Variants in DLGAP2 observed in about 807,000 individuals in gnomAD.
The protein encoded by DLGAP2 is disks large-associated protein 2.
Under a neutral mutation model 100.3 loss-of-function variants are expected in DLGAP2, and 26 were observed. The ratio of observed to expected loss-of-function variants is 0.26; its 90% CI spans 0.19 to 0.36. The LOEUF is 0.36. DLGAP2 is among the 10% of genes least tolerant of loss of function. DLGAP2 has a pLI of 1.00. For missense variants in DLGAP2, 1,858 were observed against 1,453.2 expected, an observed-to-expected ratio of 1.28 and a Z score of -4.53; for synonymous variants, 886 against 630.1, an observed-to-expected ratio of 1.41 and a Z score of -6.08.
intron 1 of DLGAP2, among the ~76,000 whole-genome samples, chr8:814,752 C>G (rs1477025303): frequency 1.4e-5 from 2 of 144,898 alleles, no homozygotes; most frequent in African/African-American, 5.1e-5. Context: ...ACTCGGGAGG[C>G]TGAGGCGGGA....
chr8:1,254,046 G>A lies in DLGAP2; in HGVS notation c.74-4805G>A, dbSNP rs562684727. Among the ~76,000 whole-genome samples the A allele has an allele frequency of 5.3e-5, 8 of 152,346 alleles. No homozygotes were observed. In the East Asian group the frequency reaches 1.2e-3, roughly 22 times the overall value. On this transcript the variant is annotated intron_variant, in intron 2 of 14. Coordinates refer to ENST00000637795, the MANE Select transcript of DLGAP2 (RefSeq NM_001346810.2). ...TCTCTGATCCATGTCTGAGTGAGCCGCCTCGTGAGGCTTCCAGTCCCTCCT... is the reference window on the plus strand; with the variant it reads ...TCTCTGATCCATGTCTGAGTGAGCCACCTCGTGAGGCTTCCAGTCCCTCCT...
intron 1 of DLGAP2, among the ~76,000 whole-genome samples, chr8:903,898 A>G (rs962555467): frequency 1.3e-5 from 2 of 152,136 alleles, no homozygotes; most frequent in African/African-American, 4.8e-5. Flanking sequence ...CCCAGCTCAG[A>G]CTCACATTCG....
chr8:1,555,226 GC>G (rs1801921576), intron 5 of DLGAP2, among the ~76,000 whole-genome samples: 1 of 152,222 alleles, frequency 6.6e-6, no homozygotes, highest in Non-Finnish European at 1.5e-5. Flanking sequence ...TCCTTCCGCA[GC>G]CCCTCGAGTT....
chr8:1,548,873 G>T lies in DLGAP2; in HGVS notation c.420G>T (p.Ser140=), dbSNP rs1358785414. The change falls in exon 5 of 15, where the codon TCG becomes TCT. Residue 140 remains serine (S), a synonymous_variant. Coordinates refer to ENST00000637795, the MANE Select transcript of DLGAP2 (RefSeq NM_001346810.2). ...GGRHRCSPRS[S]VHSECVMMPV... ...GCCACCGCTGCTCGCCGCGCAGCTC[G>T]GTGCACTCGGAGTGCGTGATGATGC... 1.3e-5 allele frequency: 21 copies of T among 1,592,570 alleles called. No individual in the cohort carries two copies. Among genetic ancestry groups the T allele is most frequent in the South Asian group, 2.2e-5 (2 of 90,000 alleles).
At chr8:799,440 C>G (rs1796102510) in intron 1 of DLGAP2, among the ~76,000 whole-genome samples, 1 of 152,118 alleles carries the variant, frequency 6.6e-6, no homozygotes, top group Admixed American at 6.5e-5. Context: ...TTGATGTGCG[C>G]TCTGCTGGGA....
At chr8:1,352,354 C>T (rs1801755263) in intron 3 of DLGAP2, among the ~76,000 whole-genome samples, 1 of 152,056 alleles carries the variant, frequency 6.6e-6, no homozygotes, top group South Asian at 2.1e-4. Context: ...CTCCTCCTGT[C>T]CCCAGCGACT....
chr8:1,177,800 G>C (rs1162601524), intron 2 of DLGAP2, among the ~76,000 whole-genome samples: 1 of 152,164 alleles, frequency 6.6e-6, no homozygotes, highest in Non-Finnish European at 1.5e-5. Flanking sequence ...AGGGTACAAG[G>C]GGTGAGGGAG....
At chr8:1,523,937 C>A (rs1800702977) in intron 4 of DLGAP2, among the ~76,000 whole-genome samples, 1 of 152,180 alleles carries the variant, frequency 6.6e-6, no homozygotes, top group Non-Finnish European at 1.5e-5. Context: ...GCTGCTGGAT[C>A]TGTGGGGAAA....
chr8:1,098,569 C>T (rs545494773), intron 2 of DLGAP2, among the ~76,000 whole-genome samples: 1 of 151,378 alleles, frequency 6.6e-6, no homozygotes, highest in South Asian at 2.1e-4. Context: ...GCGATGGCCA[C>T]CCACAGACGC....
rs1799568433 is a variant in DLGAP2 at position 1,701,467 on chromosome 8, G to T, written c.*61G>T. On this transcript the variant is annotated 3_prime_UTR_variant, in exon 15 of 15. Transcript: ENST00000637795. ...CTTTCCCGGACGCTTGTGCAGCGCG[G>T]CGCCGCCCTGGTGGTTTCTGTCTCC... The T allele has an allele frequency of 6.7e-7, 1 of 1,494,452 alleles. No individual in the cohort carries two copies. Among genetic ancestry groups the T allele is most frequent in the South Asian group, 1.2e-5 (1 of 80,868 alleles). 92.6% of individuals were successfully genotyped at this position (1,494,452 alleles called of 1,614,324 possible).
chr8:1,380,782 A>C (rs1049333445), intron 3 of DLGAP2, among the ~76,000 whole-genome samples: 1 of 152,102 alleles, frequency 6.6e-6, no homozygotes, highest in Admixed American at 6.5e-5. Context: ...CTATTTCGAA[A>C]AAAGTGACAT....
At chr8:1,017,760 G>A (rs1460420324) in intron 2 of DLGAP2, among the ~76,000 whole-genome samples, 5 of 151,980 alleles carry the variant, frequency 3.3e-5, no homozygotes, top group South Asian at 2.1e-4. Context: ...GGCCTGCCGT[G>A]GGCGGGTAGA....
intron 1 of DLGAP2, among the ~76,000 whole-genome samples, chr8:809,640 C>T (rs1044565354): frequency 6.6e-6 from 1 of 152,108 alleles, no homozygotes; most frequent in Admixed American, 6.5e-5. Context: ...TCTACCAATA[C>T]GAGTCAACCT....
chr8:1,624,869 G>GTCTCTCTCTCTCTCTGTCTCTCTCTCTT (rs1797451866), intron 6 of DLGAP2, among the ~76,000 whole-genome samples: 1 of 149,668 alleles, frequency 6.7e-6, no homozygotes, highest in African/African-American at 2.5e-5. Context: ...CTCTCTCTCT[G>GTCTCTCTCTCTCTCTGTCTCTCTCTCTT]TCTCTCTCTC....
chr8:1,139,208 G>T (rs527902728), intron 2 of DLGAP2, among the ~76,000 whole-genome samples: 21 of 152,282 alleles, frequency 1.4e-4, no homozygotes, highest in African/African-American at 4.3e-4. Context: ...GCACAGGGCG[G>T]GGGGAGCTCC....
At chr8:1,474,842 G>C (rs1018515457) in intron 3 of DLGAP2, among the ~76,000 whole-genome samples, 5 of 152,220 alleles carry the variant, frequency 3.3e-5, no homozygotes, top group Middle Eastern at 3.2e-3. Flanking sequence ...AAAGAACTGA[G>C]AGTTGAACTA....
intron 3 of DLGAP2, among the ~76,000 whole-genome samples, chr8:1,298,447 G>A (rs1181594008): frequency 6.6e-6 from 1 of 152,138 alleles, no homozygotes; most frequent in African/African-American, 2.4e-5. Context: ...TTCTGTACTG[G>A]GGTATAAATA....
At chr8:1,081,226 G>A (rs971220400) in intron 2 of DLGAP2, among the ~76,000 whole-genome samples, 3 of 152,160 alleles carry the variant, frequency 2.0e-5, no homozygotes, top group African/African-American at 7.2e-5. Context: ...AGTATTAAAA[G>A]TGTTAATCTA....
At chr8:934,562 G>A (rs983661276) in intron 2 of DLGAP2, among the ~76,000 whole-genome samples, 17 of 152,324 alleles carry the variant, frequency 1.1e-4, no homozygotes, top group Admixed American at 1.0e-3. Flanking sequence ...CTCCCAGGGG[G>A]TGGAGAGGAA....
Sources: gnomAD v4.1 joint callset for allele counts (sites outside exome capture counted in the v4.1 genomes callset) on GRCh38, gnomAD v4.1.1 for gene constraint, MANE v1.5 for transcripts, NCBI Gene and HGNC (gene_info 2026-07-23, HGNC 2026-07-21) for gene names.